ADAMTS6: variants seen among roughly 807,000 people sequenced by gnomAD.
ADAMTS6 encodes the protein ADAM metallopeptidase with thrombospondin type 1 motif 6, also known as A disintegrin and metalloproteinase with thrombospondin motifs 6.
A neutral mutation model predicts 144.3 loss-of-function variants in ADAMTS6; 23 were observed. That is an observed-to-expected ratio of 0.16 (90% CI 0.11 to 0.23). The LOEUF is 0.23. Among genes scored for constraint, ADAMTS6 ranks in the 10% least tolerant of loss-of-function variants. ADAMTS6 has a pLI of 1.00. For missense variants in ADAMTS6, 999 were observed against 1,379.6 expected (o/e 0.72, Z 4.37); for synonymous variants, 444 against 457.5 (o/e 0.97, Z 0.38).
At chr5:65,265,997 T>G (rs1228014373) in intron 12 of ADAMTS6, among the ~76,000 whole-genome samples, 3 of 151,978 alleles carry the variant, frequency 2.0e-5, no homozygotes, top group Non-Finnish European at 4.4e-5. Flanking sequence ...CTAGAGTTTT[T>G]TTTTTAAACA....
At chr5:65,275,389 A>G (rs550869926) in intron 11 of ADAMTS6, among the ~76,000 whole-genome samples, 1 of 148,136 alleles carries the variant, frequency 6.8e-6, no homozygotes, top group South Asian at 2.1e-4. Flanking sequence ...GAAAGAAAGA[A>G]AGAAAGAAAG....
rs113822317 is a variant in ADAMTS6, at chr5:65,188,313, C to T, written c.2706-93G>A. The T allele has an allele frequency of 2.1e-3, 2,427 of 1,170,946 alleles. 44 individuals are homozygous for T. In the African/African-American group the frequency reaches 0.032, roughly 16 times the overall value. The allele number at this position is 1,170,946 out of a possible 1,614,324, so 72.5% of individuals were successfully genotyped here. On this transcript the variant is annotated intron_variant, in intron 21 of 24. Coordinates refer to ENST00000381055, the MANE Select transcript of ADAMTS6 (RefSeq NM_197941.4). ...TGAAGGCACTTTCACTGATGGACTA[C>T]GAGCTGACATTTCAATGTTGGTTAA...
At chr5:65,422,969 C>G (rs555731832) in intron 7 of ADAMTS6, among the ~76,000 whole-genome samples, 1 of 152,226 alleles carries the variant, frequency 6.6e-6, no homozygotes, top group South Asian at 2.1e-4. Context: ...CACACACACG[C>G]TGGAATACTA....
At chr5:65,268,693 C>T (rs1260083896) in intron 12 of ADAMTS6, among the ~76,000 whole-genome samples, 1 of 152,170 alleles carries the variant, frequency 6.6e-6, no homozygotes, top group Non-Finnish European at 1.5e-5. Flanking sequence ...TCAGACCCCC[C>T]AGGACTCACG....
chr5:65,311,240 A>T (rs1202683558), intron 9 of ADAMTS6, among the ~76,000 whole-genome samples: 1 of 152,094 alleles, frequency 6.6e-6, no homozygotes, highest in African/African-American at 2.4e-5. Flanking sequence ...AATGGTGGAT[A>T]ATGTAATAAA....
intron 7 of ADAMTS6, among the ~76,000 whole-genome samples, chr5:65,410,388 T>G (rs948861461): frequency 6.6e-6 from 1 of 152,206 alleles, no homozygotes; most frequent in African/African-American, 2.4e-5. Flanking sequence ...AGAGTTAGCA[T>G]TCTTTCTTTA....
At chr5:65,252,172 A>G (rs16893588) in intron 14 of ADAMTS6, among the ~76,000 whole-genome samples, 74,696 of 151,948 alleles carry the variant, frequency 0.49, 19,041 homozygotes, top group African/African-American at 0.63. Flanking sequence ...CAAAGCTTCA[A>G]AATAATAAAG....
chr5:65,412,451 CAAT>C (rs1755130608), intron 7 of ADAMTS6, among the ~76,000 whole-genome samples: 1 of 151,978 alleles, frequency 6.6e-6, no homozygotes, highest in South Asian at 2.1e-4. Flanking sequence ...CGCACACACA[CAAT>C]ACTTGACCAA....
intron 7 of ADAMTS6, among the ~76,000 whole-genome samples, chr5:65,364,990 A>C (rs926007517): frequency 3.3e-5 from 5 of 151,980 alleles, no homozygotes; most frequent in Non-Finnish European, 5.9e-5. Context: ...AACACCACTT[A>C]TTTCTTTCCT....
intron 11 of ADAMTS6, among the ~76,000 whole-genome samples, chr5:65,285,629 T>C (rs139999106): frequency 4.0e-4 from 61 of 152,216 alleles, no homozygotes; most frequent in African/African-American, 1.4e-3. Flanking sequence ...CCAAGGAAAA[T>C]ACTTTCTAGG....
intron 14 of ADAMTS6, among the ~76,000 whole-genome samples, chr5:65,257,070 T>A (rs1760745641): frequency 7.0e-6 from 1 of 143,674 alleles, no homozygotes; most frequent in African/African-American, 2.6e-5. Context: ...ACTCAAGAGA[T>A]CTGCCTGCCT....
intron 9 of ADAMTS6, among the ~76,000 whole-genome samples, chr5:65,301,170 T>A (rs1188683932): frequency 6.6e-6 from 1 of 152,176 alleles, no homozygotes; most frequent in Non-Finnish European, 1.5e-5. Context: ...AATAAAAATG[T>A]TTTTCTGAAA....
intron 21 of ADAMTS6, among the ~76,000 whole-genome samples, chr5:65,190,119 C>T (rs1054725974): frequency 1.3e-5 from 2 of 152,126 alleles, no homozygotes; most frequent in Non-Finnish European, 2.9e-5. Flanking sequence ...TTCGTATTGT[C>T]TTTACTTATA....
chr5:65,269,344 A>G (rs544528932), intron 12 of ADAMTS6, among the ~76,000 whole-genome samples: 8 of 152,242 alleles, frequency 5.3e-5, no homozygotes, highest in African/African-American at 1.9e-4. Flanking sequence ...ACACAATCAT[A>G]TATGCTTAGC....
intron 7 of ADAMTS6, among the ~76,000 whole-genome samples, chr5:65,339,926 A>G (rs1181915069): frequency 6.6e-6 from 1 of 152,090 alleles, no homozygotes; most frequent in African/African-American, 2.4e-5. Flanking sequence ...AGAAGGAAAA[A>G]AGTGAGGAAA....
At chr5:65,396,746 A>G (rs1296210043) in intron 7 of ADAMTS6, among the ~76,000 whole-genome samples, 1 of 152,146 alleles carries the variant, frequency 6.6e-6, no homozygotes, top group African/African-American at 2.4e-5. Context: ...ATTTGCTAAT[A>G]TTTTGTTAAG....
chr5:65,252,157 A>C (rs1216376040), intron 14 of ADAMTS6, among the ~76,000 whole-genome samples: 1 of 152,024 alleles, frequency 6.6e-6, no homozygotes, highest in Non-Finnish European at 1.5e-5. Flanking sequence ...ACATAGGAGG[A>C]ATATCAAAGC....
intron 7 of ADAMTS6, among the ~76,000 whole-genome samples, chr5:65,398,784 GAAAGAAAGAAAGAAAGAA>G (rs1561501289): frequency 0.026 from 1,256 of 48,602 alleles, 62 homozygotes; most frequent in African/African-American, 0.053. Flanking sequence ...GAGAGAGCAA[GAAAGAAAGAAAGAAAGAA>G]AGAAAGAAAG....
intron 9 of ADAMTS6, among the ~76,000 whole-genome samples, chr5:65,305,075 A>G (rs748719322): frequency 1.3e-5 from 2 of 152,162 alleles, no homozygotes; most frequent in African/African-American, 4.8e-5. Flanking sequence ...TAGGAAATAC[A>G]TGCTGAAATG....
Sources: allele counts gnomAD v4.1 joint callset (sites outside exome capture counted in the v4.1 genomes callset), GRCh38; gene constraint gnomAD v4.1.1; transcripts MANE v1.5; gene names NCBI Gene and HGNC (gene_info 2026-07-23, HGNC 2026-07-21).